COL1A1: variants seen among roughly 807,000 people sequenced by gnomAD.
The protein encoded by COL1A1 is collagen alpha-1(I) chain.
A neutral mutation model predicts 195.7 loss-of-function variants in COL1A1; 21 were observed. The observed-to-expected ratio is 0.11, with a 90% CI of 0.08 to 0.15. The LOEUF (loss-of-function observed/expected upper bound fraction) is 0.15, where lower values mean the gene tolerates loss of function less well. COL1A1 is among the 10% of genes least tolerant of loss of function. The pLI, the probability that COL1A1 is intolerant of heterozygous loss-of-function variation, is 1.00. For missense variants in COL1A1, 1,365 were observed against 2,051.0 expected (o/e 0.67, Z 6.46); for synonymous variants, 749 against 747.3 (o/e 1.00, Z -0.04).
chr17:50,200,121 G>A (rs1458320327), intron 1 of COL1A1, 174 bp from the exon 2 acceptor site: 7 of 713,362 alleles, frequency 9.8e-6, no homozygotes, highest in Non-Finnish European at 1.7e-5. Flanking sequence ...GGGTGACAGC[G>A]CCGAGGCGCC....
rs547744241 is a variant in COL1A1, at chr17:50,191,675, C to T, written c.2127+113G>A. On this transcript the variant is annotated intron_variant, in intron 31 of 50. Transcript: ENST00000225964. ...GGCCCCTGCCCTGGTCTTTTCCCCC[C>T]ACCCCACACCCTATCTCCATGGCTT... 2.7e-5 allele frequency: 35 copies of T among 1,281,976 alleles called. No individual in the cohort carries two copies. In the East Asian group the frequency reaches 8.3e-4, roughly 30 times the overall value. The allele number at this position is 1,281,976 out of a possible 1,614,324, so 79.4% of individuals were successfully genotyped here.
chr17:50,198,300 C>T (rs2696249), intron 6 of COL1A1, 95 bp from the exon 7 acceptor site: 1 of 1,565,700 alleles, frequency 6.4e-7, no homozygotes, highest in Non-Finnish European at 8.8e-7. Context: ...CCCAGTCGTC[C>T]TGCATCCTTT....
chr17:50,187,759 C>G, intron 45 of COL1A1, 117 bp downstream of exon 45: 2 of 1,077,672 alleles, frequency 1.9e-6, no homozygotes, highest in South Asian at 2.9e-5. Flanking sequence ...ATCTTCAGAC[C>G]CCAGTCCCCA....
Position 50,195,882 on chromosome 17 carries a change from G to A in COL1A1, c.1056+41C>T, listed in dbSNP as rs1248559151. 1.3e-6 allele frequency: 2 copies of A among 1,556,312 alleles called. No homozygotes were observed. Among genetic ancestry groups the A allele is most frequent in the East Asian group, 4.8e-5 (2 of 41,684 alleles). On this transcript the variant is annotated intron_variant, in intron 16 of 50. Coordinates refer to ENST00000225964, the MANE Select transcript of COL1A1 (RefSeq NM_000088.4). The surrounding 1 kb of genome is among the most constrained non-coding windows in gnomAD (Gnocchi z 4.3). Reference sequence around the variant, plus strand: ...GGAACAGGGAGACATGAACCCCTTGGCCCATGAGGGTCATGCTTAGAGGAG... The same window carrying A: ...GGAACAGGGAGACATGAACCCCTTGACCCATGAGGGTCATGCTTAGAGGAG...
At position 50,186,488 on chromosome 17, in the gene COL1A1, G is replaced by A. The variant is rs1299931242; in HGVS notation, c.3834C>T (p.Pro1278=). ...TGGCATCCAGGTTGCAGCCTTGGTT[G>A]GGGTCAATCCAGTACTCTCCTGTGG... ...DWKSGEYWID[P]NQGCNLDAIK... is the part of the protein sequence containing the mutation. Residue 1278 remains proline, a synonymous_variant, in exon 49 of 51, where the codon CCC becomes CCT. Transcript: ENST00000225964. The surrounding 1 kb of genome is among the most constrained non-coding windows in gnomAD (Gnocchi z 5.3). The A allele has an allele frequency of 2.5e-6, 4 of 1,614,198 alleles. No individual in the cohort carries two copies. Among genetic ancestry groups the A allele is most frequent in the Admixed American group, 1.7e-5 (1 of 60,028 alleles).
rs368476268 is a variant in COL1A1 at position 50,194,727 on chromosome 17, G to A, written c.1455C>T (p.Gly485=). ...GGCGGGCAGGGACACTTACACGCTCGCCAGGGGGTCCGGGCAGGCCAGTGG... is the reference window on the plus strand; with the variant it reads ...GGCGGGCAGGGACACTTACACGCTCACCAGGGGGTCCGGGCAGGCCAGTGG... ...PGPTGLPGPP[G]ERGGPGSRGF... The change falls in exon 21 of 51, where the codon GGC becomes GGT. Residue 485 remains glycine (G), a synonymous_variant. Coordinates refer to ENST00000225964, the MANE Select transcript of COL1A1 (RefSeq NM_000088.4). The surrounding 1 kb of genome is among the most constrained non-coding windows in gnomAD (Gnocchi z 6.8). The A allele has an allele frequency of 2.2e-5, 35 of 1,567,260 alleles. No homozygotes were observed. The highest frequency in any genetic ancestry group is 4.8e-5 in the East Asian group (2 of 41,776).
chr17:50,190,244 G>A lies in COL1A1; in HGVS notation c.2451+83C>T. The A allele has an allele frequency of 2.3e-6, 3 of 1,281,106 alleles. No homozygotes were observed. The East Asian group carries it at 6.9e-5, about 30-fold the overall frequency. The allele number at this position is 1,281,106 out of a possible 1,614,324, so 79.4% of individuals were successfully genotyped here. A position where few individuals can be genotyped will look rare whatever the true frequency, so the allele number is the denominator to read the frequency against. ...TCTCCACCCTTCTCCCCTGAGGATGGCTGACGCCTTTGTCCTCATTCCGTC... is the reference window on the plus strand; with the variant it reads ...TCTCCACCCTTCTCCCCTGAGGATGACTGACGCCTTTGTCCTCATTCCGTC... On this transcript the variant is annotated intron_variant, in intron 35 of 50. Coordinates refer to ENST00000225964, the MANE Select transcript of COL1A1 (RefSeq NM_000088.4). The surrounding 1 kb of genome is among the most constrained non-coding windows in gnomAD (Gnocchi z 4.7).
chr17:50,187,813 C>A, intron 45 of COL1A1, 63 bp downstream of exon 45: 1 of 1,429,000 alleles, frequency 7.0e-7, no homozygotes, highest in Non-Finnish European at 9.6e-7. Context: ...GAAACTGAGG[C>A]GAAGCTCCCC....
rs1314746992 is a variant in COL1A1 at position 50,195,334 on chromosome 17, T to G, written c.1201-4A>C. The G allele has an allele frequency of 1.2e-6, 2 of 1,613,448 alleles. No homozygotes were observed. Among genetic ancestry groups the G allele is most frequent in the Admixed American group, 1.7e-5 (1 of 59,960 alleles). On this transcript the variant is annotated splice_polypyrimidine_tract_variant and splice_region_variant and intron_variant, in intron 18 of 50. Transcript: ENST00000225964. The surrounding 1 kb of genome is among the most constrained non-coding windows in gnomAD (Gnocchi z 4.3). The stretch of plus-strand genomic sequence containing the variant: ...CACCAGCAATACCAGGAGCACCCTG[T>G]GGGAGGCAGACAGCCAGGGCGTGAG...
In COL1A1 at chr17:50,192,994, G is replaced by C. The variant is rs41316667; in HGVS notation, c.1821C>G (p.Val607=). ...GTAGGGATGGAAAGGAGATACTTAC[G>C]ACAGCGCCAGGGGGTCCGGGAACAC... ...ERGVPGPPGA[V]GPAGKDGEAG... Residue 607 remains valine (V), a splice_region_variant and synonymous_variant, in exon 26 of 51, where the codon GTC becomes GTG. Transcript: ENST00000225964. 2.9e-5 allele frequency: 46 copies of C among 1,613,556 alleles called. No homozygotes were observed. The highest frequency in any genetic ancestry group is 3.9e-5 in the Non-Finnish European group (46 of 1,179,860).
At position 50,195,019 on chromosome 17, in the gene COL1A1, C is replaced by T; in HGVS notation, c.1353+28G>A. The T allele has an allele frequency of 1.2e-6, 2 of 1,612,084 alleles. No homozygotes were observed. The highest frequency in any genetic ancestry group is 2.2e-5 in the East Asian group (1 of 44,862). On this transcript the variant is annotated intron_variant, in intron 20 of 50. Coordinates refer to ENST00000225964, the MANE Select transcript of COL1A1 (RefSeq NM_000088.4). The surrounding 1 kb of genome is among the most constrained non-coding windows in gnomAD (Gnocchi z 4.3). The stretch of plus-strand genomic sequence containing the variant: ...GGCTCCTAGGGCAGGGTGGGCTGGG[C>T]TGCAAGAAGGATGGCGGGGAGACTT...
At chr17:50,198,540 G>T (rs765365081) in intron 5 of COL1A1, 36 bp from the exon 6 acceptor site, 2 of 1,551,110 alleles carry the variant, frequency 1.3e-6, no homozygotes, top group Admixed American at 1.8e-5. Flanking sequence ...TGAGGACAGT[G>T]AATTGAAAGG....
rs748235040 is a variant in COL1A1 at position 50,194,568 on chromosome 17, G to A, written c.1515+5C>T. 1.9e-6 allele frequency: 3 copies of A among 1,591,298 alleles called. No homozygotes were observed. Among genetic ancestry groups the A allele is most frequent in the African/African-American group, 1.3e-5 (1 of 74,484 alleles). ...GTCAGCCCCCCGGCCGCAAGGAGAG[G>A]TTACCTTGGGACCAGCAACACCATC... is the stretch of plus-strand genomic sequence containing the variant. On this transcript the variant is annotated splice_donor_5th_base_variant and intron_variant, in intron 22 of 50. Transcript: ENST00000225964. The surrounding 1 kb of genome is among the most constrained non-coding windows in gnomAD (Gnocchi z 6.8).
chr17:50,184,761 C>A lies in COL1A1; in HGVS notation c.*741G>T, dbSNP rs1336683315. On this transcript the variant is annotated 3_prime_UTR_variant, in exon 51 of 51. Transcript: ENST00000225964. ...AAGGAACAGAACAGTCTCTCCCGCC[C>A]AGCCCTGCGGCACAAGGGATTGACA... 6 of 232,528 alleles carry A rather than the reference C, an allele frequency of 2.6e-5. No individual in the cohort carries two copies. Among genetic ancestry groups the A allele is most frequent in the Non-Finnish European group, 5.1e-5 (6 of 117,522 alleles). 14.4% of individuals were successfully genotyped at this position (232,528 alleles called of 1,614,324 possible). A position where few individuals can be genotyped will look rare whatever the true frequency, so the allele number is the denominator to read the frequency against.
At position 50,186,944 on chromosome 17, in the gene COL1A1, TG is replaced by T; in HGVS notation, c.3532-23del. The T allele has an allele frequency of 6.2e-7, 1 of 1,609,558 alleles. No individual in the cohort carries two copies. Among genetic ancestry groups the T allele is most frequent in the African/African-American group, 1.4e-5 (1 of 73,640 alleles). ...GACCCTGCACAGAGAGGGAAGAGAG[TG>T]GGGATTACCGGCATCCAAGTGCTTT... On this transcript the variant is annotated intron_variant, in intron 47 of 50. Coordinates refer to ENST00000225964, the MANE Select transcript of COL1A1 (RefSeq NM_000088.4). This position sits in a 1 kb window ranked among gnomAD's most constrained non-coding sequence, Gnocchi z 5.3.
chr17:50,187,573 T>G, intron 45 of COL1A1, 36 bp from the exon 46 acceptor site: 1 of 1,611,560 alleles, frequency 6.2e-7, no homozygotes. Context: ...TCAGGCCCAG[T>G]GAGCGTCAAA....
chr17:50,196,758 G>A (rs1907629366), intron 11 of COL1A1, 88 bp from the exon 12 acceptor site: 2 of 1,445,842 alleles, frequency 1.4e-6, no homozygotes, highest in African/African-American at 1.4e-5. Flanking sequence ...AGAGCCTTGG[G>A]AGGTCATCAC....
rs368008545 is a variant in COL1A1 at position 50,191,744 on chromosome 17, G to C, written c.2127+44C>G. 1.6e-5 allele frequency: 25 copies of C among 1,543,486 alleles called. No individual in the cohort carries two copies. In the African/African-American group the frequency reaches 2.9e-4, roughly 18 times the overall value. On this transcript the variant is annotated intron_variant, in intron 31 of 50. Transcript: ENST00000225964. ...CCCTGCTGCAGGAGGGGTGAGACCT[G>C]GTCCCTGGGCCACTTGCCAGAGCCC...
In COL1A1 at chr17:50,187,462, G is replaced by A. The variant is rs59595116; in HGVS notation, c.3423+22C>T. The A allele has an allele frequency of 7.5e-4, 1,214 of 1,613,728 alleles. 15 individuals are homozygous for A. In the African/African-American group the frequency reaches 0.013, roughly 17 times the overall value. ...AGCCTGGGCTTGGGGCTCAGGAAGA[G>A]GAGAGAGAAGGCATGACTTACTCGG... On this transcript the variant is annotated intron_variant, in intron 46 of 50. Transcript: ENST00000225964.
Sources: gnomAD v4.1 joint callset for allele counts on GRCh38, gnomAD v4.1.1 for gene constraint, Gnocchi (gnomAD v3.1) non-coding constraint, MANE v1.5 for transcripts, NCBI Gene and HGNC (gene_info 2026-07-23, HGNC 2026-07-21) for gene names.